FOXP1: variants seen among roughly 807,000 people sequenced by gnomAD.
The protein encoded by FOXP1 is forkhead box protein P1.
Under a neutral mutation model 98.2 loss-of-function variants are expected in FOXP1, and 15 were observed. That is an observed-to-expected ratio of 0.15 (90% CI 0.10 to 0.24). The LOEUF is 0.24. Among genes scored for constraint, FOXP1 ranks in the 10% least tolerant of loss-of-function variants. The pLI is 1.00. For synonymous variants in FOXP1, 371 were observed against 314.5 expected (o/e 1.18, Z -1.90); for missense variants, 633 against 848.5 (o/e 0.75, Z 3.15).
intron 11 of FOXP1, among the ~76,000 whole-genome samples, chr3:71,016,781 T>A (rs1360478923): frequency 6.6e-6 from 1 of 152,136 alleles, no homozygotes; most frequent in East Asian, 1.9e-4. Flanking sequence ...ATAGAGCATA[T>A]GTACACAAAT....
chr3:71,127,121 C>T (rs773272988), intron 6 of FOXP1, among the ~76,000 whole-genome samples: 1 of 151,938 alleles, frequency 6.6e-6, no homozygotes, highest in Non-Finnish European at 1.5e-5. Flanking sequence ...AAGCTTTCAA[C>T]GAAGGAGTCT....
intron 14 of FOXP1, among the ~76,000 whole-genome samples, chr3:70,978,368 G>A (rs944591104): frequency 6.6e-6 from 1 of 152,160 alleles, no homozygotes; most frequent in African/African-American, 2.4e-5. Flanking sequence ...CGCCCATCAG[G>A]CCTTGTCAAC....
chr3:71,042,782 T>C (rs1037809493), intron 10 of FOXP1, among the ~76,000 whole-genome samples: 3 of 152,166 alleles, frequency 2.0e-5, no homozygotes, highest in African/African-American at 7.2e-5. Context: ...AAACACATAA[T>C]AAAAAATGCC....
intron 2 of FOXP1, among the ~76,000 whole-genome samples, chr3:71,563,850 C>G (rs1471859518): frequency 6.6e-6 from 1 of 152,226 alleles, no homozygotes; most frequent in Admixed American, 6.5e-5. Flanking sequence ...AAAATGAGGG[C>G]TTTCCTCTCT....
At chr3:71,125,830 A>G (rs1208946621) in intron 6 of FOXP1, among the ~76,000 whole-genome samples, 2 of 152,242 alleles carry the variant, frequency 1.3e-5, no homozygotes. Context: ...AGCAGCATAC[A>G]TAGTGGTTGA....
intron 11 of FOXP1, among the ~76,000 whole-genome samples, chr3:71,030,803 T>C (rs1364103900): frequency 6.6e-6 from 1 of 152,194 alleles, no homozygotes; most frequent in Non-Finnish European, 1.5e-5. Context: ...TTGGTGTCAA[T>C]TTTTTTCTAA....
At chr3:71,016,202 G>GT (rs146350748) in intron 11 of FOXP1, among the ~76,000 whole-genome samples, 2,425 of 151,906 alleles carry the variant, frequency 0.016, 68 homozygotes, top group African/African-American at 0.052. Context: ...GATGATTCGT[G>GT]TTTTTTTTAA....
chr3:71,386,741 C>CAAAAAAAAAAAAAAAAAA, intron 3 of FOXP1, among the ~76,000 whole-genome samples: 1 of 90,976 alleles, frequency 1.1e-5, no homozygotes, highest in Non-Finnish European at 2.0e-5. Flanking sequence ...GATTCCGTCT[C>CAAAAAAAAAAAAAAAAAA]AAAAAAAAAA....
intron 6 of FOXP1, among the ~76,000 whole-genome samples, chr3:71,126,153 C>T (rs996209216): frequency 6.6e-6 from 1 of 152,128 alleles, no homozygotes; most frequent in Non-Finnish European, 1.5e-5. Flanking sequence ...CCATCACCTG[C>T]AATGACACAT....
chr3:71,487,115 G>A (rs960097682), intron 3 of FOXP1, among the ~76,000 whole-genome samples: 1 of 151,886 alleles, frequency 6.6e-6, no homozygotes, highest in East Asian at 1.9e-4. Context: ...TAAAAAGAGA[G>A]CGACATAGAC....
At chr3:71,002,888 C>T (rs2042296949) in intron 12 of FOXP1, among the ~76,000 whole-genome samples, 1 of 152,176 alleles carries the variant, frequency 6.6e-6, no homozygotes, top group Non-Finnish European at 1.5e-5. Context: ...CTGTTTGCTT[C>T]ACTGGAAGTA....
At chr3:70,975,216 T>G (rs930061438) in intron 17 of FOXP1, among the ~76,000 whole-genome samples, 1 of 152,252 alleles carries the variant, frequency 6.6e-6, no homozygotes, top group Admixed American at 6.5e-5. Context: ...TTTCATCATT[T>G]CTATTTATAA....
rs13325323 is a variant in FOXP1, at chr3:71,289,095, T to C, written c.-12+10725A>G. ...TGTAGCCCACGCTGGAGTGCAGTGG[T>C]GCGATCTTGGTTCACTGCAACCTCC... On this transcript the variant is annotated intron_variant, in intron 5 of 20. Transcript: ENST00000649528. Among the ~76,000 whole-genome samples, 1,160 of 152,156 alleles carry C rather than the reference T, an allele frequency of 7.6e-3. 21 individuals are homozygous for C. Among genetic ancestry groups the C allele is most frequent in the African/African-American group, 0.026 (1,093 of 41,514 alleles).
intron 11 of FOXP1, among the ~76,000 whole-genome samples, chr3:71,025,030 G>A (rs1025640690): frequency 3.3e-5 from 5 of 152,106 alleles, no homozygotes; most frequent in African/African-American, 1.2e-4. Flanking sequence ...ATCTGCGTTG[G>A]ATAAAGTTTT....
At chr3:71,097,933 T>TGAAAAAAA (rs2056615188) in intron 7 of FOXP1, among the ~76,000 whole-genome samples, 1 of 152,286 alleles carries the variant, frequency 6.6e-6, no homozygotes, top group South Asian at 2.1e-4. Flanking sequence ...AAATATAAAT[T>TGAAAAAAA]TGAAGCTATT....
chr3:71,106,576 G>A (rs1482070105), intron 7 of FOXP1, among the ~76,000 whole-genome samples: 4 of 151,552 alleles, frequency 2.6e-5, no homozygotes, highest in African/African-American at 9.7e-5. Flanking sequence ...CGCTCGCCTT[G>A]GCTTCTCAAA....
chr3:71,152,475 C>G (rs1337896637), intron 6 of FOXP1, among the ~76,000 whole-genome samples: 1 of 152,190 alleles, frequency 6.6e-6, no homozygotes, highest in Non-Finnish European at 1.5e-5. Context: ...ATTCACACAC[C>G]TGTGAAACCT....
chr3:71,543,346 C>T (rs867623389), intron 2 of FOXP1: 6 of 152,306 alleles, frequency 3.9e-5, no homozygotes, highest in Admixed American at 3.3e-4. Context: ...AATTGTACTA[C>T]GCACGCTGCA....
intron 2 of FOXP1, among the ~76,000 whole-genome samples, chr3:71,522,235 G>A (rs6778026): frequency 0.32 from 48,523 of 151,994 alleles, 9,193 homozygotes; most frequent in Non-Finnish European, 0.43. Context: ...ATCTGTCCAC[G>A]CTGGGACATC....
Sources: gnomAD v4.1 joint callset for allele counts (sites outside exome capture counted in the v4.1 genomes callset) on GRCh38, gnomAD v4.1.1 for gene constraint, MANE v1.5 for transcripts, NCBI Gene and HGNC (gene_info 2026-07-23, HGNC 2026-07-21) for gene names.